Variants in MALRD1 observed in about 807,000 individuals in gnomAD.
MALRD1 encodes the protein MAM and LDL receptor class A domain containing 1.
In MALRD1, 247 loss-of-function variants were observed where a neutral mutation model predicts 242.1. The observed-to-expected ratio is 1.02, with a 90% CI of 0.92 to 1.13. MALRD1 has a LOEUF of 1.13. Among genes scored for constraint, MALRD1 ranks in the 50% most tolerant of loss-of-function variants. MALRD1 has a pLI of 0.00. For synonymous variants in MALRD1, 995 were observed against 866.6 expected (o/e 1.15, Z -2.60); for missense variants, 2,989 against 2,533.1 (o/e 1.18, Z -3.86).
chr10:19,436,358 T>G (rs572812048), intron 28 of MALRD1, among the ~76,000 whole-genome samples: 51 of 152,322 alleles, frequency 3.3e-4, no homozygotes, highest in African/African-American at 1.1e-3. Context: ...AATTTTATAT[T>G]ATTTCCAACT....
intron 26 of MALRD1, among the ~76,000 whole-genome samples, chr10:19,375,525 A>G (rs1411523390): frequency 6.6e-6 from 1 of 152,170 alleles, no homozygotes; most frequent in Non-Finnish European, 1.5e-5. Context: ...CTGGATAAGG[A>G]CACACATCCT....
At chr10:19,404,423 T>A (rs1019544379) in intron 28 of MALRD1, among the ~76,000 whole-genome samples, 2 of 152,110 alleles carry the variant, frequency 1.3e-5, no homozygotes, top group African/African-American at 4.8e-5. Context: ...GACTAAGATG[T>A]AGTATATTCT....
intron 11 of MALRD1, among the ~76,000 whole-genome samples, chr10:19,153,686 C>A (rs1179108830): frequency 7.5e-5 from 10 of 133,492 alleles, no homozygotes; most frequent in Admixed American, 2.4e-4. Flanking sequence ...CAGACCCTGT[C>A]TCAGGAAAAA....
chr10:19,576,000 G>T (rs1481050284), intron 33 of MALRD1, among the ~76,000 whole-genome samples: 1 of 152,200 alleles, frequency 6.6e-6, no homozygotes, highest in Non-Finnish European at 1.5e-5. Context: ...GTTATTGCAA[G>T]CAACAGAATT....
chr10:19,063,676 C>G (rs569982339), intron 1 of MALRD1, among the ~76,000 whole-genome samples: 1 of 151,898 alleles, frequency 6.6e-6, no homozygotes, highest in African/African-American at 2.4e-5. Flanking sequence ...TTTCTTAATC[C>G]AGTCTATCAT....
intron 4 of MALRD1, among the ~76,000 whole-genome samples, chr10:19,095,524 A>G (rs1019438859): frequency 2.0e-5 from 3 of 152,194 alleles, no homozygotes; most frequent in African/African-American, 4.8e-5. Flanking sequence ...TCTATCAACA[A>G]TTCATTCATT....
At chr10:19,387,879 G>A (rs1437327741) in intron 27 of MALRD1, 106 bp downstream of exon 27, 18 of 1,347,232 alleles carry the variant, frequency 1.3e-5, no homozygotes, top group East Asian at 2.5e-5. Flanking sequence ...CACCACGATG[G>A]TATTGCAAGG....
chr10:19,066,894 C>G (rs759362937), intron 2 of MALRD1, 35 bp downstream of exon 2: 2 of 1,227,664 alleles, frequency 1.6e-6, no homozygotes, highest in African/African-American at 3.1e-5. Context: ...CCCCTCTCTC[C>G]CTTCCTCCTT....
intron 38 of MALRD1, among the ~76,000 whole-genome samples, chr10:19,725,479 A>G (rs1187279661): frequency 6.6e-6 from 1 of 152,192 alleles, no homozygotes; most frequent in Non-Finnish European, 1.5e-5. Flanking sequence ...TCTTTCCTTT[A>G]TAAATTACCC....
In MALRD1 at chr10:19,544,089, G is replaced by T. The variant is rs150724168; in HGVS notation, c.5478+12738G>T. ...ATCCAGTCTTTTTATATGTGTTGTG[G>T]TTACAGTTTCATTGTCATATAGATC... On this transcript the variant is annotated intron_variant, in intron 32 of 39. Transcript: ENST00000454679. Among the ~76,000 whole-genome samples, 1,253 of 151,534 alleles carry T rather than the reference G, an allele frequency of 8.3e-3. 16 individuals carry two copies. The highest frequency in any genetic ancestry group is 0.029 in the African/African-American group (1,204 of 41,224).
At chr10:19,547,258 A>T (rs950009639) in intron 32 of MALRD1, among the ~76,000 whole-genome samples, 3 of 152,158 alleles carry the variant, frequency 2.0e-5, no homozygotes, top group Non-Finnish European at 4.4e-5. Context: ...TTCAATTTCC[A>T]CATGCATAGT....
At chr10:19,530,385 T>TATATTTATATAA (rs1834319681) in intron 31 of MALRD1, among the ~76,000 whole-genome samples, 2 of 85,244 alleles carry the variant, frequency 2.3e-5, no homozygotes, top group African/African-American at 6.0e-5. Context: ...ATAAATATTA[T>TATATTTATATAA]ATATTTATAT....
At chr10:19,652,446 G>A (rs540973420) in intron 36 of MALRD1, among the ~76,000 whole-genome samples, 3 of 152,194 alleles carry the variant, frequency 2.0e-5, no homozygotes, top group Non-Finnish European at 4.4e-5. Context: ...AAGGTAGATA[G>A]TACCAAGATC....
chr10:19,255,429 ATT>A (rs945489526), intron 18 of MALRD1, among the ~76,000 whole-genome samples: 3 of 151,998 alleles, frequency 2.0e-5, no homozygotes, highest in African/African-American at 7.2e-5. Context: ...TTTTGTGGTC[ATT>A]TTCTCAGGAC....
chr10:19,638,041 C>G (rs1840218737), intron 36 of MALRD1, among the ~76,000 whole-genome samples: 1 of 130,740 alleles, frequency 7.6e-6, no homozygotes, highest in Non-Finnish European at 1.5e-5. Context: ...GCAGGGGTTG[C>G]AGTGAGCAGA....
chr10:19,085,130 G>T (rs1835625014), intron 2 of MALRD1, among the ~76,000 whole-genome samples: 2 of 151,980 alleles, frequency 1.3e-5, no homozygotes, highest in South Asian at 2.1e-4. Context: ...AAACTTTGTT[G>T]TTCAAGAGCT....
At chr10:19,121,263 A>G (rs902134925) in intron 5 of MALRD1, among the ~76,000 whole-genome samples, 3 of 149,208 alleles carry the variant, frequency 2.0e-5, no homozygotes, top group Non-Finnish European at 4.4e-5. Context: ...CTGGTCTCGA[A>G]CTCCTGAACT....
At chr10:19,561,521 T>A (rs1004674691) in intron 32 of MALRD1, among the ~76,000 whole-genome samples, 2 of 152,168 alleles carry the variant, frequency 1.3e-5, no homozygotes, top group Non-Finnish European at 2.9e-5. Context: ...TGTTGTTAGG[T>A]GCATACACAT....
At chr10:19,477,196 C>T (rs10740908) in intron 29 of MALRD1, among the ~76,000 whole-genome samples, 131,179 of 152,182 alleles carry the variant, frequency 0.86, 56,693 homozygotes, top group East Asian at 1. Flanking sequence ...TATTATTGCA[C>T]AGCTGAAAAT....
Sources: allele counts gnomAD v4.1 joint callset (sites outside exome capture counted in the v4.1 genomes callset), GRCh38; gene constraint gnomAD v4.1.1; transcripts MANE v1.5; gene names NCBI Gene and HGNC (gene_info 2026-07-23, HGNC 2026-07-21).